The following EHBP1L1 variants were observed in gnomAD, a reference collection of about 807,000 sequenced individuals.
EHBP1L1 encodes the protein EH domain binding protein 1 like 1.
A neutral mutation model predicts 151.1 loss-of-function variants in EHBP1L1; 122 were observed. That is an observed-to-expected ratio of 0.81 (90% CI 0.70 to 0.94). The LOEUF is 0.94. EHBP1L1 is among the 40% of genes least tolerant of loss of function. The pLI, the probability that EHBP1L1 is intolerant of heterozygous loss-of-function variation, is 0.00. For synonymous variants in EHBP1L1, 878 were observed against 810.1 expected, an observed-to-expected ratio of 1.08 and a Z score of -1.42; for missense variants, 1,941 against 1,959.8, an observed-to-expected ratio of 0.99 and a Z score of 0.18.
Position 65,582,230 on chromosome 11 carries a change from G to T in EHBP1L1, c.1558G>T (p.Gly520Trp). 1 of 1,529,616 alleles carries T rather than the reference G, an allele frequency of 6.5e-7. No homozygotes were observed. Among genetic ancestry groups the T allele is most frequent in the Non-Finnish European group, 8.8e-7 (1 of 1,142,852 alleles). 94.8% of individuals were successfully genotyped at this position (1,529,616 alleles called of 1,614,324 possible). ...EVRGGAPGIEGTGLEQGPSVG... is the reference protein window; with the variant it reads ...EVRGGAPGIEWTGLEQGPSVG... The stretch of plus-strand genomic sequence containing the variant: ...GAGGGGTGGAGCACCTGGTATTGAG[G>T]GGACAGGCCTGGAGCAGGGCCCTTC... The change falls in exon 9 of 19, where the codon GGG (glycine) becomes TGG (tryptophan). Residue 520 changes from glycine to tryptophan, a missense_variant. Coordinates refer to ENST00000309295, the MANE Select transcript of EHBP1L1 (RefSeq NM_001099409.3).
Position 65,589,760 on chromosome 11 carries a change from GCC to G in EHBP1L1, c.3946_3947del (p.Pro1316Ter). The G allele has an allele frequency of 1.3e-6, 2 of 1,546,886 alleles. No homozygotes were observed. The highest frequency in any genetic ancestry group is 1.7e-6 in the Non-Finnish European group (2 of 1,145,570). On this transcript the variant is annotated frameshift_variant, in exon 13 of 19. Coordinates refer to ENST00000309295, the MANE Select transcript of EHBP1L1 (RefSeq NM_001099409.3). LOFTEE classifies it high-confidence loss of function. ...AMGAAAAEGQAPDPSPAPGPP... is the reference protein window; with the variant it reads ...AMGAAAAEGQXPDPSPAPGPP... ...GCCCCTTCTTCCACAGGAAGGCCAG[GCC>G]CCTGACCCCAGCCCTGCCCCAGGCC... is the stretch of plus-strand genomic sequence containing the variant.
At position 65,591,846 on chromosome 11, in the gene EHBP1L1, G is replaced by C; in HGVS notation, c.4330G>C (p.Glu1444Gln). 1.4e-6 allele frequency: 2 copies of C among 1,449,858 alleles called. No individual in the cohort carries two copies. Among genetic ancestry groups the C allele is most frequent in the Non-Finnish European group, 1.8e-6 (2 of 1,081,290 alleles). 89.8% of individuals were successfully genotyped at this position (1,449,858 alleles called of 1,614,324 possible). ...GCGAAGGTTCGAGCTGCTGAGCCGC[G>C]AGCTGCGGGCCATGCTGGCCATCGA... ...LERRFELLSR[E>Q]LRAMLAIEDW... The change falls in exon 17 of 19, where the codon GAG becomes CAG. Residue 1444 changes from glutamate to glutamine, a missense_variant. Glu to Gln is a conservative substitution (Grantham distance 29, BLOSUM62 2). Transcript: ENST00000309295.
chr11:65,591,649 T>TAG (rs2135336896), intron 16 of EHBP1L1, 151 bp from the exon 17 acceptor site: 1 of 696,522 alleles, frequency 1.4e-6, no homozygotes, highest in African/African-American at 1.8e-5. Context: ...GTCTGGAGAC[T>TAG]AGAGGATAGC....
chr11:65,589,250 C>T (rs550339632), intron 12 of EHBP1L1, among the ~76,000 whole-genome samples: 114 of 152,286 alleles, frequency 7.5e-4, no homozygotes, highest in African/African-American at 2.6e-3. Flanking sequence ...ACTAAAAATA[C>T]AAAAATTAGC....
rs544243967 is a variant in EHBP1L1 at position 65,582,798 on chromosome 11, C to G, written c.2126C>G (p.Ser709Cys). 1.9e-6 allele frequency: 3 copies of G among 1,613,412 alleles called. No homozygotes were observed. In the African/African-American group the frequency reaches 4.0e-5, roughly 22 times the overall value. The change falls in exon 9 of 19, where the codon TCT becomes TGT. Residue 709 changes from serine (S) to cysteine (C), a missense_variant. Ser to Cys is a moderately radical substitution (Grantham distance 112). Coordinates refer to ENST00000309295, the MANE Select transcript of EHBP1L1 (RefSeq NM_001099409.3). ...ACCCAGGAGACAGAGGTGGAAGCTT[C>G]TAGGGTACCAGAGTCAGAGGCTGAG... Reference protein sequence around the residue: ...LGTQETEVEASRVPESEAEGT... With the variant: ...LGTQETEVEACRVPESEAEGT...
At chr11:65,579,888 TTGC>T (rs566430143) in intron 3 of EHBP1L1, 45 bp from the exon 4 acceptor site, 155 of 1,600,258 alleles carry the variant, frequency 9.7e-5, no homozygotes, top group Non-Finnish European at 1.3e-4. Context: ...TCTGCTCCCT[TTGC>T]TGCTGCCCCA....
Position 65,582,351 on chromosome 11 carries a change from G to A in EHBP1L1, c.1679G>A (p.Trp560Ter). 1 of 1,576,712 alleles carries A rather than the reference G, an allele frequency of 6.3e-7. No homozygotes were observed. Among genetic ancestry groups the A allele is most frequent in the Non-Finnish European group, 8.6e-7 (1 of 1,164,216 alleles). The change falls in exon 9 of 19, where the codon TGG becomes TAG. Residue 560 changes from tryptophan to a stop codon, truncating the protein, a stop_gained. Coordinates refer to ENST00000309295, the MANE Select transcript of EHBP1L1 (RefSeq NM_001099409.3). LOFTEE classifies it high-confidence loss of function. ...QGAISRGLGG[W>*]EAEAGGSGDL... is the part of the protein sequence containing the mutation. ...GCAATATCCAGGGGTCTGGGAGGCTGGGAGGCAGAAGCTGGGGGTTCAGGG... is the reference window on the plus strand; with the variant it reads ...GCAATATCCAGGGGTCTGGGAGGCTAGGAGGCAGAAGCTGGGGGTTCAGGG...
intron 6 of EHBP1L1, 91 bp downstream of exon 6, chr11:65,580,570 T>C: frequency 1.3e-6 from 2 of 1,515,232 alleles, no homozygotes; most frequent in Non-Finnish European, 1.8e-6. Flanking sequence ...GCCCGCCCTG[T>C]GATGGGAACT....
chr11:65,588,953 G>C (rs560345736), intron 12 of EHBP1L1, among the ~76,000 whole-genome samples: 4 of 152,116 alleles, frequency 2.6e-5, no homozygotes, highest in Non-Finnish European at 5.9e-5. Flanking sequence ...AGAAGGGGAG[G>C]GAGCCTGGTG....
At chr11:65,589,429 C>G (rs1313806920) in intron 12 of EHBP1L1, among the ~76,000 whole-genome samples, 1 of 152,090 alleles carries the variant, frequency 6.6e-6, no homozygotes, top group Non-Finnish European at 1.5e-5. Context: ...TGGGCTGGGC[C>G]CTTCACAGGC....
chr11:65,591,925 G>A (rs996583215), intron 17 of EHBP1L1, 51 bp from the exon 18 acceptor site: 45 of 1,607,484 alleles, frequency 2.8e-5, no homozygotes, highest in Non-Finnish European at 3.6e-5. Flanking sequence ...GGGTGGAGGC[G>A]GCACAGCCCT....
chr11:65,581,083 T>C lies in EHBP1L1; in HGVS notation c.660T>C (p.Leu220=), dbSNP rs1857581669. ...ATCCCTCTCGAGAGCTGAAGACGCT[T>C]TGTGAGGAGGAGGAGGAAGGCCAAG... is the stretch of plus-strand genomic sequence containing the variant. ...QPDPSRELKT[L]CEEEEEGQGR... The change falls in exon 7 of 19, where the codon CTT becomes CTC. Residue 220 remains leucine (L), a synonymous_variant. Coordinates refer to ENST00000309295, the MANE Select transcript of EHBP1L1 (RefSeq NM_001099409.3). The C allele has an allele frequency of 6.2e-7, 1 of 1,612,240 alleles. No individual in the cohort carries two copies. The highest frequency in any genetic ancestry group is 1.1e-5 in the South Asian group (1 of 90,888).
chr11:65,584,966 A>T lies in EHBP1L1; in HGVS notation c.3308A>T (p.Asp1103Val). ...AGTGCACCCTTCCCCTAGGCCTTCG[A>T]TGGCTTCGCGGCTCTGGGCGTGTCG... Reference protein sequence around the residue: ...NIKQNNKQAFDGFAALGVSRL... With the variant: ...NIKQNNKQAFVGFAALGVSRL... Residue 1103 changes from aspartate (D) to valine (V), a missense_variant, in exon 12 of 19, where the codon GAT (aspartate) becomes GTT (valine). Asp to Val is a radical substitution (Grantham distance 152). Coordinates refer to ENST00000309295, the MANE Select transcript of EHBP1L1 (RefSeq NM_001099409.3). 6.5e-7 allele frequency: 1 copy of T among 1,533,418 alleles called. No homozygotes were observed. The highest frequency in any genetic ancestry group is 2.0e-5 in the Admixed American group (1 of 50,770). The allele number at this position is 1,533,418 out of a possible 1,614,324, so 95.0% of individuals were successfully genotyped here.
Position 65,583,771 on chromosome 11 carries a change from G to A in EHBP1L1, c.3093+6G>A. The A allele has an allele frequency of 1.4e-6, 2 of 1,471,402 alleles. No homozygotes were observed. Among genetic ancestry groups the A allele is most frequent in the Non-Finnish European group, 1.8e-6 (2 of 1,115,426 alleles). The allele number at this position is 1,471,402 out of a possible 1,614,324, so 91.1% of individuals were successfully genotyped here. A position where few individuals can be genotyped will look rare whatever the true frequency, so the allele number is the denominator to read the frequency against. On this transcript the variant is annotated splice_donor_region_variant and intron_variant, in intron 9 of 18. Transcript: ENST00000309295. ...GGAGGCTGCCGGGCAGCCAGGTAGG[G>A]ATGGGGGCCGCCGAGGGCCCAGTCT... is the stretch of plus-strand genomic sequence containing the variant.
chr11:65,578,892 T>C (rs938391065), intron 1 of EHBP1L1, among the ~76,000 whole-genome samples, 186 bp from the exon 2 acceptor site: 1 of 152,166 alleles, frequency 6.6e-6, no homozygotes, highest in Non-Finnish European at 1.5e-5. Context: ...CACCCTACCT[T>C]AGCAGCTCCA....
chr11:65,583,323 C>G lies in EHBP1L1; in HGVS notation c.2651C>G (p.Ser884Trp), dbSNP rs773127792. ...GCTGAGAAGGAAGAGGCTCAGACTT[C>G]GGGGGTCCAGGAAGCAGAGACTAGA... Reference protein sequence around the residue: ...PEAEKEEAQTSGVQEAETRVG... With the variant: ...PEAEKEEAQTWGVQEAETRVG... The change falls in exon 9 of 19, where the codon TCG (serine) becomes TGG (tryptophan). Residue 884 changes from serine (S) to tryptophan (W), a missense_variant. Coordinates refer to ENST00000309295, the MANE Select transcript of EHBP1L1 (RefSeq NM_001099409.3). 6.2e-7 allele frequency: 1 copy of G among 1,613,598 alleles called. No individual in the cohort carries two copies. The highest frequency in any genetic ancestry group is 1.3e-5 in the African/African-American group (1 of 74,952).
At chr11:65,590,387 G>A in intron 15 of EHBP1L1, 106 bp from the exon 16 acceptor site, 1 of 1,508,058 alleles carries the variant, frequency 6.6e-7, no homozygotes, top group Non-Finnish European at 9.0e-7. Context: ...CACAGTTCTG[G>A]CTTCTGGGAT....
Position 65,581,757 on chromosome 11 carries a change from T to C in EHBP1L1, c.1085T>C (p.Ile362Thr). 6.2e-7 allele frequency: 1 copy of C among 1,610,138 alleles called. No homozygotes were observed. Residue 362 changes from isoleucine (I) to threonine (T), a missense_variant, in exon 9 of 19, where the codon ATT becomes ACT. Transcript: ENST00000309295. ...CATGGAGCTAGGCTGGGCCCGAGCA[T>C]TGAGGATAAAGGTTCTGGAGACCCT... ...EAHGARLGPS[I>T]EDKGSGDPFG...
Position 65,579,063 on chromosome 11 carries a change from T to C in EHBP1L1, c.105-15T>C. The C allele has an allele frequency of 6.4e-7, 1 of 1,573,640 alleles. No homozygotes were observed. Among genetic ancestry groups the C allele is most frequent in the Non-Finnish European group, 8.6e-7 (1 of 1,159,560 alleles). Reference sequence around the variant, plus strand: ...CAGCCTGCTCCCTTTCTCCCTCCCCTTCCCCCTCCCCCAGGCAGCCAGATA... The same window carrying C: ...CAGCCTGCTCCCTTTCTCCCTCCCCCTCCCCCTCCCCCAGGCAGCCAGATA... On this transcript the variant is annotated splice_polypyrimidine_tract_variant and intron_variant, in intron 1 of 18. Coordinates refer to ENST00000309295, the MANE Select transcript of EHBP1L1 (RefSeq NM_001099409.3).
Sources: allele counts gnomAD v4.1 joint callset (sites outside exome capture counted in the v4.1 genomes callset), GRCh38; gene constraint gnomAD v4.1.1; transcripts MANE v1.5; gene names NCBI Gene and HGNC (gene_info 2026-07-23, HGNC 2026-07-21).